The following CAMTA1 variants were observed in gnomAD, a reference collection of about 807,000 sequenced individuals.
CAMTA1 encodes the protein calmodulin binding transcription activator 1, also known as calmodulin-binding transcription activator 1.
CAMTA1 carries 27 observed loss-of-function variants against 170.9 expected under a neutral mutation model. The ratio of observed to expected loss-of-function variants is 0.16; its 90% CI spans 0.12 to 0.22. The LOEUF is 0.22. Ranked by LOEUF, CAMTA1 falls within the 10% of genes least tolerant of loss-of-function variation. The pLI is 1.00. For synonymous variants in CAMTA1, 833 were observed against 891.5 expected, an observed-to-expected ratio of 0.93 and a Z score of 1.17; for missense variants, 1,619 against 2,217.2, an observed-to-expected ratio of 0.73 and a Z score of 5.42.
At chr1:6,935,746 T>C (rs1685195645) in intron 3 of CAMTA1, among the ~76,000 whole-genome samples, 1 of 152,238 alleles carries the variant, frequency 6.6e-6, no homozygotes, top group African/African-American at 2.4e-5. Context: ...CTTCCTGGAC[T>C]GAAAAGTGCT....
chr1:6,813,875 G>A (rs1340533165), intron 1 of CAMTA1, among the ~76,000 whole-genome samples: 1 of 152,174 alleles, frequency 6.6e-6, no homozygotes, highest in African/African-American at 2.4e-5. Context: ...GGCCTTATAG[G>A]AAGAGATGTG....
rs146600692 is a variant in CAMTA1 at position 7,619,760 on chromosome 1, G to A, written c.511-20640G>A. Among the ~76,000 whole-genome samples, 647 of 151,382 alleles carry A rather than the reference G, an allele frequency of 4.3e-3. 4 individuals are homozygous for A. Among genetic ancestry groups the A allele is most frequent in the African/African-American group, 0.015 (629 of 41,230 alleles). On this transcript the variant is annotated intron_variant, in intron 6 of 22. Transcript: ENST00000303635. ...CGCCTCCTGGGTTCAAGCGATTCTC[G>A]TGCCCCAGCCTCCTGAGTAGCTGGG...
chr1:6,870,289 T>A (rs1668029524), intron 3 of CAMTA1, among the ~76,000 whole-genome samples: 2 of 152,164 alleles, frequency 1.3e-5, no homozygotes. Context: ...ACAGACTTTA[T>A]GTGAGATGAG....
chr1:6,868,658 A>C (rs1224650129), intron 3 of CAMTA1, among the ~76,000 whole-genome samples: 1 of 152,094 alleles, frequency 6.6e-6, no homozygotes, highest in Admixed American at 6.5e-5. Flanking sequence ...GGAGGGGGGA[A>C]GATTTTTAAC....
At chr1:7,261,210 C>G (rs1411086840) in intron 5 of CAMTA1, among the ~76,000 whole-genome samples, 1 of 152,214 alleles carries the variant, frequency 6.6e-6, no homozygotes, top group African/African-American at 2.4e-5. Flanking sequence ...TTCCTTCCCT[C>G]TGGTTCCTTA....
At chr1:6,981,959 G>C (rs962362673) in intron 3 of CAMTA1, among the ~76,000 whole-genome samples, 8 of 152,084 alleles carry the variant, frequency 5.3e-5, no homozygotes, top group Non-Finnish European at 1.0e-4. Flanking sequence ...TAAACTCCTG[G>C]GCTCCAGTGA....
intron 6 of CAMTA1, among the ~76,000 whole-genome samples, chr1:7,578,527 C>G (rs532188844): frequency 1.3e-5 from 2 of 152,322 alleles, no homozygotes; most frequent in East Asian, 3.9e-4. Context: ...CCGACAGGGT[C>G]GCCGGAAAGG....
intron 3 of CAMTA1, among the ~76,000 whole-genome samples, chr1:6,983,342 C>G (rs1433997075): frequency 6.6e-6 from 1 of 152,190 alleles, no homozygotes; most frequent in Non-Finnish European, 1.5e-5. Context: ...TCCAGCTATA[C>G]TGGCTGCCTT....
At position 6,806,172 on chromosome 1, in the gene CAMTA1, A is replaced by T. The variant is rs1176426482; in HGVS notation, c.46-14009A>T. Among the ~76,000 whole-genome samples, 5 of 152,156 alleles carry T rather than the reference A, an allele frequency of 3.3e-5. 1 individual carries two copies. Among genetic ancestry groups the T allele is most frequent in the Non-Finnish European group, 7.4e-5 (5 of 68,024 alleles). Reference sequence around the variant, plus strand: ...CCTTGTTGAAAATCAACTGACTATAAATCTGTGGGTTTATTTTTAGAGTCT... The same window carrying T: ...CCTTGTTGAAAATCAACTGACTATATATCTGTGGGTTTATTTTTAGAGTCT... On this transcript the variant is annotated intron_variant, in intron 1 of 22. Transcript: ENST00000303635.
intron 6 of CAMTA1, among the ~76,000 whole-genome samples, chr1:7,540,657 A>G (rs1402090209): frequency 6.6e-6 from 1 of 152,216 alleles, no homozygotes; most frequent in East Asian, 1.9e-4. Flanking sequence ...AGGGACACCA[A>G]CCTGGACGTA....
intron 3 of CAMTA1, among the ~76,000 whole-genome samples, chr1:6,957,276 T>C (rs902372080): frequency 6.6e-6 from 1 of 152,246 alleles, no homozygotes; most frequent in Non-Finnish European, 1.5e-5. Flanking sequence ...GGCCCTGCTG[T>C]CTGCCTCCAG....
intron 5 of CAMTA1, among the ~76,000 whole-genome samples, chr1:7,405,974 C>T (rs1018984649): frequency 2.0e-5 from 3 of 152,188 alleles, no homozygotes; most frequent in Non-Finnish European, 4.4e-5. Context: ...GTGAGCCCTA[C>T]CGTCTGCACC....
chr1:7,229,167 G>C (rs1313493349), intron 4 of CAMTA1, among the ~76,000 whole-genome samples: 1 of 151,826 alleles, frequency 6.6e-6, no homozygotes, highest in East Asian at 2.0e-4. Context: ...GAGAGCAGAG[G>C]GGGCTGAGAG....
intron 3 of CAMTA1, among the ~76,000 whole-genome samples, chr1:6,969,482 C>T (rs557512386): frequency 6.6e-6 from 1 of 152,300 alleles, no homozygotes; most frequent in South Asian, 2.1e-4. Context: ...ATCACATCTG[C>T]TTTGGGGCGG....
chr1:7,700,096 G>A (rs1002894882), intron 11 of CAMTA1, among the ~76,000 whole-genome samples: 11 of 151,604 alleles, frequency 7.3e-5, no homozygotes, highest in Admixed American at 1.3e-4. Flanking sequence ...AGAAACTATC[G>A]CCAAATCCAA....
At chr1:7,070,749 C>G (rs1396551033) in intron 3 of CAMTA1, among the ~76,000 whole-genome samples, 2 of 152,208 alleles carry the variant, frequency 1.3e-5, no homozygotes, top group Non-Finnish European at 2.9e-5. Flanking sequence ...GTCGCCTCCA[C>G]CAGGCAGCCC....
intron 4 of CAMTA1, among the ~76,000 whole-genome samples, chr1:7,163,662 A>G (rs972210059): frequency 1.3e-5 from 2 of 152,222 alleles, no homozygotes; most frequent in African/African-American, 4.8e-5. Context: ...GGAGTCCTAG[A>G]GAGATGGGGT....
rs1349694639 is a variant in CAMTA1 at position 7,635,052 on chromosome 1, C to A, written c.511-5348C>A. 6.6e-6 allele frequency among the ~76,000 whole-genome samples: 1 copy of A among 152,212 alleles called. No homozygotes were observed. Among genetic ancestry groups the A allele is most frequent in the Non-Finnish European group, 1.5e-5 (1 of 68,040 alleles). ...CCTCTACCACCACCACAGTCACAGA[C>A]CATGCCACGGGGCTCTCTCTCCCCA... On this transcript the variant is annotated intron_variant, in intron 6 of 22. Coordinates refer to ENST00000303635, the MANE Select transcript of CAMTA1 (RefSeq NM_015215.4). This position sits in a 1 kb window ranked among gnomAD's most constrained non-coding sequence, Gnocchi z 4.4.
intron 5 of CAMTA1, among the ~76,000 whole-genome samples, chr1:7,391,121 C>A (rs2088661314): frequency 6.6e-6 from 1 of 152,158 alleles, no homozygotes; most frequent in Admixed American, 6.5e-5. Flanking sequence ...CCTCAGCCTC[C>A]CGAGTAGCCG....
Sources: allele counts gnomAD v4.1 joint callset (sites outside exome capture counted in the v4.1 genomes callset), GRCh38; gene constraint gnomAD v4.1.1; non-coding constraint Gnocchi (gnomAD v3.1); transcripts MANE v1.5; gene names NCBI Gene and HGNC (gene_info 2026-07-23, HGNC 2026-07-21).